MRC2: variants seen among roughly 807,000 people sequenced by gnomAD.
The protein encoded by MRC2 is C-type mannose receptor 2.
MRC2 carries 84 observed loss-of-function variants against 206.2 expected under a neutral mutation model. The ratio of observed to expected loss-of-function variants is 0.41; its 90% confidence interval spans 0.34 to 0.49. The LOEUF (loss-of-function observed/expected upper bound fraction) is 0.49, where lower values mean the gene tolerates loss of function less well. MRC2 is among the 20% of genes least tolerant of loss of function. The probability of loss-of-function intolerance (pLI) is 0.31; values close to 1 mark genes in which losing one functional copy is unlikely to be tolerated. For missense variants in MRC2, 1,676 were observed against 2,001.5 expected (o/e 0.84, Z 3.10); for synonymous variants, 798 against 800.0 (o/e 1.00, Z 0.04).
At chr17:62,628,358 C>A (rs1360921225) in intron 1 of MRC2, among the ~76,000 whole-genome samples, 3 of 152,148 alleles carry the variant, frequency 2.0e-5, no homozygotes, top group African/African-American at 4.8e-5. Flanking sequence ...AGGACTGATG[C>A]GTTAGGACGG....
At chr17:62,691,725 C>G (rs532214331) in intron 28 of MRC2, among the ~76,000 whole-genome samples, 1 of 148,710 alleles carries the variant, frequency 6.7e-6, no homozygotes, top group Non-Finnish European at 1.5e-5. Flanking sequence ...GAGCCGAGAT[C>G]GCACCACTGC....
chr17:62,661,723 G>A (rs2088684213), intron 1 of MRC2: 1 of 152,078 alleles, frequency 6.6e-6, no homozygotes, highest in African/African-American at 2.4e-5. Context: ...CTTTGGACCA[G>A]CCAGAGGCTC....
Position 62,666,264 on chromosome 17 carries a change from A to G in MRC2, c.691A>G (p.Lys231Glu). The change falls in exon 3 of 30, where the codon AAG (lysine) becomes GAG (glutamate). Residue 231 changes from lysine (K) to glutamate (E), a missense_variant. Physicochemically the swap from Lys to Glu is moderately conservative, Grantham distance 56. Around this residue, in one of 3 missense-constraint regions of MRC2, gnomAD observed 318 missense variants for 346.7 expected, o/e 0.92. Coordinates refer to ENST00000303375, the MANE Select transcript of MRC2 (RefSeq NM_006039.5). The surrounding 1 kb of genome is among the most constrained non-coding windows in gnomAD (Gnocchi z 5.0). ...CGAGCGCTGGGGCTTCTGCCCCATC[A>G]AGAGTGAGAGCTGTTGGAGCCGTGG... ...KDERWGFCPIKSNDCETFWDK... is the reference protein window; with the variant it reads ...KDERWGFCPIESNDCETFWDK... 1 of 1,575,234 alleles carries G rather than the reference A, an allele frequency of 6.3e-7. No homozygotes were observed.
At chr17:62,681,151 A>G (rs1485470211) in intron 18 of MRC2, 22 bp downstream of exon 18, 1 of 1,611,480 alleles carries the variant, frequency 6.2e-7, no homozygotes, top group Non-Finnish European at 8.5e-7. Flanking sequence ...GGCAGGCAGC[A>G]GATGTGGAAG....
chr17:62,692,597 C>A lies in MRC2; in HGVS notation c.*146C>A. The A allele has an allele frequency of 1.2e-6, 1 of 832,364 alleles. No homozygotes were observed. The highest frequency in any genetic ancestry group is 1.7e-5 in the South Asian group (1 of 57,964). 51.6% of individuals were successfully genotyped at this position (832,364 alleles called of 1,614,324 possible). ...TGTTGGGAGCCGGAGCTGGGCAGAG[C>A]CTGGGCTGGTGGGGTGCCACCCTCC... On this transcript the variant is annotated 3_prime_UTR_variant, in exon 30 of 30. Transcript: ENST00000303375. This position sits in a 1 kb window ranked among gnomAD's most constrained non-coding sequence, Gnocchi z 4.2.
chr17:62,669,402 G>C (rs1382623166), intron 6 of MRC2, among the ~76,000 whole-genome samples: 1 of 152,144 alleles, frequency 6.6e-6, no homozygotes, highest in Non-Finnish European at 1.5e-5. Flanking sequence ...TTTTAGTAGA[G>C]ACGGGGTTTC....
rs2088713609 is a variant in MRC2, at chr17:62,664,034, A to C, written c.119-514A>C. Among the ~76,000 whole-genome samples the C allele has an allele frequency of 7.2e-6, 1 of 138,100 alleles. No homozygotes were observed. The highest frequency in any genetic ancestry group is 1.5e-5 in the Non-Finnish European group (1 of 66,074). 90.6% of individuals were successfully genotyped at this position (138,100 alleles called of 152,430 possible). A position where few individuals can be genotyped will look rare whatever the true frequency, so the allele number is the denominator to read the frequency against. ...GAGTGCAGTGGCGGGATCTCGGCTC[A>C]CTGCAAGCTCCGCCTCCCGGGTTCA... On this transcript the variant is annotated intron_variant, in intron 1 of 29. Transcript: ENST00000303375. The surrounding 1 kb of genome is among the most constrained non-coding windows in gnomAD (Gnocchi z 4.7).
In MRC2 at chr17:62,664,516, G is replaced by T. The variant is rs1437596529; in HGVS notation, c.119-32G>T. 5 of 1,579,584 alleles carry T rather than the reference G, an allele frequency of 3.2e-6. No individual in the cohort carries two copies. In the South Asian group the frequency reaches 4.8e-5, roughly 15 times the overall value. ...TCAAGGGCCAACCAGGAGAGCCCCTGTGATGCCTTCGTGTCTTGCCTTCCC... is the reference window on the plus strand; with the variant it reads ...TCAAGGGCCAACCAGGAGAGCCCCTTTGATGCCTTCGTGTCTTGCCTTCCC... On this transcript the variant is annotated intron_variant, in intron 1 of 29. Transcript: ENST00000303375. The surrounding 1 kb of genome is among the most constrained non-coding windows in gnomAD (Gnocchi z 4.7).
chr17:62,629,620 G>C (rs2084200330), intron 1 of MRC2, among the ~76,000 whole-genome samples: 1 of 152,184 alleles, frequency 6.6e-6, no homozygotes, highest in Non-Finnish European at 1.5e-5. Flanking sequence ...TCCTTCCCTC[G>C]GAACCGTGCC....
chr17:62,629,502 C>G (rs983519006), intron 1 of MRC2, among the ~76,000 whole-genome samples: 96 of 152,182 alleles, frequency 6.3e-4, no homozygotes, highest in African/African-American at 2.2e-3. Context: ...GTCCCCTTCC[C>G]GTTGGCACTG....
At chr17:62,637,398 T>G (rs2088336546) in intron 1 of MRC2, among the ~76,000 whole-genome samples, 1 of 151,660 alleles carries the variant, frequency 6.6e-6, no homozygotes, top group African/African-American at 2.4e-5. Context: ...TAGCTGGGCA[T>G]GGTGGCACAT....
chr17:62,661,562 C>CTCCTTCCTTCCTTCCT (rs1453811323), intron 1 of MRC2: 1 of 125,462 alleles, frequency 8.0e-6, no homozygotes, highest in Non-Finnish European at 1.7e-5. Flanking sequence ...TTCTTTCTTT[C>CTCCTTCCTTCCTTCCT]TCCTTCCTTC....
rs1360795149 is a variant in MRC2, at chr17:62,680,320, T to G, written c.2437+12T>G. ...CAAGATCCCCAGAGGTTGGCCGGAG[T>G]GGCGCTGGGGGACGCGGGATGGAGC... is the stretch of plus-strand genomic sequence containing the variant. On this transcript the variant is annotated intron_variant, in intron 15 of 29. Transcript: ENST00000303375. The surrounding 1 kb of genome is among the most constrained non-coding windows in gnomAD (Gnocchi z 4.8). 1 of 1,613,172 alleles carries G rather than the reference T, an allele frequency of 6.2e-7. No individual in the cohort carries two copies. The highest frequency in any genetic ancestry group is 2.2e-5 in the East Asian group (1 of 44,806).
intron 18 of MRC2, chr17:62,681,350 G>T: frequency 1.7e-6 from 1 of 601,876 alleles, no homozygotes; most frequent in South Asian, 2.0e-5. Flanking sequence ...TAACATATGC[G>T]AAGTGCTTAC....
At chr17:62,690,574 GC>G in intron 26 of MRC2, 67 bp from the exon 27 acceptor site, 1 of 1,502,140 alleles carries the variant, frequency 6.7e-7, no homozygotes, top group Non-Finnish European at 8.9e-7. Context: ...GAGGGCTGGA[GC>G]AGCTCTGGGG....
intron 10 of MRC2, among the ~76,000 whole-genome samples, chr17:62,676,149 C>A (rs1229870007): frequency 1.3e-5 from 2 of 152,120 alleles, no homozygotes; most frequent in Non-Finnish European, 2.9e-5. Flanking sequence ...AAAGAGAGGC[C>A]TTGGTTGTGT....
Position 62,655,142 on chromosome 17 carries a change from C to T in MRC2, c.119-9406C>T, listed in dbSNP as rs183636854. On this transcript the variant is annotated intron_variant, in intron 1 of 29. Coordinates refer to ENST00000303375, the MANE Select transcript of MRC2 (RefSeq NM_006039.5). ...CTACTATAAATACAAAAAAATTAGC[C>T]GGGCGTGGTGGCGGGCGCCTGTAGT... 6.7e-4 allele frequency among the ~76,000 whole-genome samples: 101 copies of T among 151,860 alleles called. 1 individual carries two copies. In the Middle Eastern group the frequency reaches 0.01, roughly 15 times the overall value.
chr17:62,645,770 G>C (rs2088476462), intron 1 of MRC2, among the ~76,000 whole-genome samples: 1 of 150,798 alleles, frequency 6.6e-6, no homozygotes. Context: ...AAACTCCTGA[G>C]CTCAAGCAAT....
rs751598975 is a variant in MRC2, at chr17:62,680,247, C to A, written c.2376C>A (p.Ser792=). The change falls in exon 15 of 30, where the codon TCC becomes TCA. Residue 792 remains serine (S), a synonymous_variant. Coordinates refer to ENST00000303375, the MANE Select transcript of MRC2 (RefSeq NM_006039.5). This position sits in a 1 kb window ranked among gnomAD's most constrained non-coding sequence, Gnocchi z 4.8. Reference sequence around the variant, plus strand: ...GCTGTGCGGTGCTGGACCTGGCCTCCCTGCAGTGGGTGGCCATGCAGTGCG... The same window carrying A: ...GCTGTGCGGTGCTGGACCTGGCCTCACTGCAGTGGGTGGCCATGCAGTGCG... The part of the protein sequence containing the change: ...IRGCAVLDLA[S]LQWVAMQCDT... 1.2e-6 allele frequency: 2 copies of A among 1,614,078 alleles called. No homozygotes were observed. Among genetic ancestry groups the A allele is most frequent in the Non-Finnish European group, 1.7e-6 (2 of 1,179,988 alleles).
Sources: gnomAD v4.1 joint callset for allele counts (sites outside exome capture counted in the v4.1 genomes callset) on GRCh38, gnomAD v4.1.1 for gene constraint, gnomAD v4.1.1 regional missense constraint, Gnocchi (gnomAD v3.1) non-coding constraint, MANE v1.5 for transcripts, NCBI Gene and HGNC (gene_info 2026-07-23, HGNC 2026-07-21) for gene names.